The following CFAP92 variants were observed in gnomAD, a reference collection of about 807,000 sequenced individuals.
The protein encoded by CFAP92 is cilia and flagella associated protein 92 (putative), also known as uncharacterized protein CFAP92.
A neutral mutation model predicts 106.3 loss-of-function variants in CFAP92; 86 were observed. That is an observed-to-expected ratio of 0.81 (90% CI 0.68 to 0.97). The LOEUF is 0.97. Among genes scored for constraint, CFAP92 ranks in the 50% least tolerant of loss-of-function variants. CFAP92 has a pLI of 0.00. For missense variants in CFAP92, 1,204 were observed against 1,283.8 expected (o/e 0.94, Z 0.95); for synonymous variants, 477 against 506.4 (o/e 0.94, Z 0.78).
intron 12 of CFAP92, among the ~76,000 whole-genome samples, chr3:128,932,342 A>T (rs57738304): frequency 0.021 from 3,174 of 150,514 alleles, 105 homozygotes; most frequent in African/African-American, 0.071. Flanking sequence ...TGGACATCTT[A>T]TGACACTTAT....
chr3:128,999,506 G>A (rs1181938747), intron 1 of CFAP92, among the ~76,000 whole-genome samples: 1 of 151,682 alleles, frequency 6.6e-6, no homozygotes, highest in Non-Finnish European at 1.5e-5. Flanking sequence ...CAGCTCTTAG[G>A]GCTGACATGA....
intron 9 of CFAP92, among the ~76,000 whole-genome samples, chr3:128,963,452 C>T (rs11706008): frequency 6.6e-6 from 1 of 151,972 alleles, no homozygotes; most frequent in African/African-American, 2.4e-5. Context: ...TCATACCTGA[C>T]GCATATACTT....
chr3:128,997,291 C>T (rs1160814117), upstream of CFAP92, among the ~76,000 whole-genome samples: 1 of 152,200 alleles, frequency 6.6e-6, no homozygotes, highest in Admixed American at 6.5e-5. Flanking sequence ...CTTCTTGCCC[C>T]TTCCCCATTT....
Position 128,945,972 on chromosome 3 carries a change from G to T in CFAP92, c.1357C>A (p.Leu453Met). The T allele has an allele frequency of 7.0e-7, 1 of 1,428,846 alleles. No individual in the cohort carries two copies. The highest frequency in any genetic ancestry group is 9.1e-7 in the Non-Finnish European group (1 of 1,097,316). The allele number at this position is 1,428,846 out of a possible 1,614,324, so 88.5% of individuals were successfully genotyped here. ...TACTTGCAGTACACAGGCATGCACA[G>T]CCTCTACGAGAGAGCAGGGCCACAG... is the stretch of plus-strand genomic sequence containing the variant. ...QPVPIQELER[L>M]CMPVYCKYQF... The change falls in exon 10 of 16, where the codon CTG (leucine) becomes ATG (methionine). Residue 453 changes from leucine (L) to methionine (M), a missense_variant. Leu to Met is a conservative substitution (Grantham distance 15). Coordinates refer to ENST00000645291, the MANE Select transcript of CFAP92 (RefSeq NM_001394090.1).
At chr3:129,004,183 T>A (rs796888186), upstream of CFAP92, 11 of 1,274,650 alleles carry the variant, frequency 8.6e-6, 1 homozygote, top group African/African-American at 1.7e-4. Flanking sequence ...GTTCCGCAGT[T>A]TCTCCATGCG....
the CFAP92 span, among the ~76,000 whole-genome samples, chr3:129,019,840 C>T: frequency 2.1e-5 from 3 of 146,022 alleles, no homozygotes; most frequent in Non-Finnish European, 4.5e-5. Flanking sequence ...ATGATCTCAG[C>T]TCACTGCAAC....
chr3:128,993,155 G>T lies in CFAP92; in HGVS notation c.150C>A (p.Arg50=). 6.2e-7 allele frequency: 1 copy of T among 1,614,080 alleles called. No individual in the cohort carries two copies. Among genetic ancestry groups the T allele is most frequent in the Non-Finnish European group, 8.5e-7 (1 of 1,179,908 alleles). ...ATGAGGACTCGATGCTGCTGCACGGGCGGTCAGAGTCAGACTCCTGGGCCC... is the reference window on the plus strand; with the variant it reads ...ATGAGGACTCGATGCTGCTGCACGGTCGGTCAGAGTCAGACTCCTGGGCCC... The part of the protein sequence containing the change: ...KARAQESDSD[R]PCSSIESSSE... Residue 50 remains arginine (R), a synonymous_variant, in exon 2 of 16, where the codon CGC becomes CGA. Transcript: ENST00000645291.
intron 4 of CFAP92, among the ~76,000 whole-genome samples, chr3:128,982,496 C>CTTTCT (rs1943595215): frequency 6.6e-6 from 1 of 152,190 alleles, no homozygotes; most frequent in Non-Finnish European, 1.5e-5. Flanking sequence ...GGCTGTTTCA[C>CTTTCT]TTTCTTATCA....
In CFAP92 at chr3:128,962,917, T is replaced by C. The variant is rs550522137; in HGVS notation, c.1353+2594A>G. Among the ~76,000 whole-genome samples the C allele has an allele frequency of 1.7e-3, 262 of 152,200 alleles. 2 individuals carry two copies. In the Middle Eastern group the frequency reaches 0.041, roughly 24 times the overall value. On this transcript the variant is annotated intron_variant, in intron 9 of 15. Coordinates refer to ENST00000645291, the MANE Select transcript of CFAP92 (RefSeq NM_001394090.1). Reference sequence around the variant, plus strand: ...ATATACTCTCCTATCCTCAATACCTTCCTCTACTACCCATTATTCTGTTCT... The same window carrying C: ...ATATACTCTCCTATCCTCAATACCTCCCTCTACTACCCATTATTCTGTTCT...
chr3:128,909,875 C>T lies in CFAP92; in HGVS notation c.*424G>A. ...CAGAAGGTGGCTGGGAGCCGTTCTCCCACAACCTGAAGAGAAAGGTGTTAT... is the reference window on the plus strand; with the variant it reads ...CAGAAGGTGGCTGGGAGCCGTTCTCTCACAACCTGAAGAGAAAGGTGTTAT... On this transcript the variant is annotated 3_prime_UTR_variant, in exon 16 of 16. Coordinates refer to ENST00000645291, the MANE Select transcript of CFAP92 (RefSeq NM_001394090.1). 8.4e-7 allele frequency: 1 copy of T among 1,192,150 alleles called. No homozygotes were observed. Among genetic ancestry groups the T allele is most frequent in the Non-Finnish European group, 1.2e-6 (1 of 824,606 alleles). The allele number at this position is 1,192,150 out of a possible 1,614,324, so 73.8% of individuals were successfully genotyped here.
chr3:128,971,074 T>C, intron 8 of CFAP92: 1 of 637,970 alleles, frequency 1.6e-6, no homozygotes, highest in Non-Finnish European at 2.7e-6. Context: ...GGCTTCACAT[T>C]TCCTAGCTGT....
rs1185950565 is a variant in CFAP92 at position 128,961,681 on chromosome 3, G to A, written c.1353+3830C>T. Among the ~76,000 whole-genome samples the A allele has an allele frequency of 5.9e-5, 9 of 152,138 alleles. No individual in the cohort carries two copies. The South Asian group carries it at 8.3e-4, about 14-fold the overall frequency. ...CAGTTCATGGCAGCAACCCTGAGAC[G>A]CTTTACAGCCCTAGACCCTAAAAGG... On this transcript the variant is annotated intron_variant, in intron 9 of 15. Transcript: ENST00000645291.
the CFAP92 span, among the ~76,000 whole-genome samples, chr3:129,022,345 T>G: frequency 6.6e-6 from 1 of 152,138 alleles, no homozygotes; most frequent in Non-Finnish European, 1.5e-5. Context: ...AAAGCCACAG[T>G]CCTGAGGGTG....
intron 12 of CFAP92, among the ~76,000 whole-genome samples, chr3:128,918,920 A>G (rs1394728125): frequency 2.0e-5 from 3 of 151,476 alleles, no homozygotes; most frequent in Non-Finnish European, 4.4e-5. Flanking sequence ...AAGCTTGCCA[A>G]TTAAAGAATC....
At chr3:128,981,532 T>C (rs951682718) in intron 4 of CFAP92, among the ~76,000 whole-genome samples, 4 of 151,570 alleles carry the variant, frequency 2.6e-5, no homozygotes, top group African/African-American at 7.3e-5. Flanking sequence ...GGTTTCACTA[T>C]GTTGGCCACA....
At chr3:128,937,482 TC>T in intron 10 of CFAP92, among the ~76,000 whole-genome samples, 1 of 151,690 alleles carries the variant, frequency 6.6e-6, no homozygotes, top group Non-Finnish European at 1.5e-5. Context: ...TGCCTGTAGT[TC>T]CAGCTACTTG....
intron 12 of CFAP92, among the ~76,000 whole-genome samples, chr3:128,931,915 G>A (rs1938440468): frequency 6.6e-6 from 1 of 152,130 alleles, no homozygotes; most frequent in African/African-American, 2.4e-5. Flanking sequence ...CTACTCAGGA[G>A]GCCGAGGTGG....
Position 128,910,029 on chromosome 3 carries a change from G to A in CFAP92, c.*270C>T, listed in dbSNP as rs200208702. The A allele has an allele frequency of 3.1e-6, 5 of 1,613,662 alleles. No individual in the cohort carries two copies. The African/African-American group carries it at 6.7e-5, about 21-fold the overall frequency. On this transcript the variant is annotated 3_prime_UTR_variant, in exon 16 of 16. Transcript: ENST00000645291. ...AGCCTCTGTGATCCCAGACCATCAT[G>A]GAGGAGCAGCTGGTACTGAAGCGGG...
chr3:128,960,987 G>A (rs992101127), intron 9 of CFAP92, among the ~76,000 whole-genome samples: 2 of 152,110 alleles, frequency 1.3e-5, no homozygotes, highest in African/African-American at 4.8e-5. Flanking sequence ...TTCACTATGG[G>A]CAACCTTCCA....
Sources: gnomAD v4.1 joint callset for allele counts (sites outside exome capture counted in the v4.1 genomes callset) on GRCh38, gnomAD v4.1.1 for gene constraint, MANE v1.5 for transcripts, NCBI Gene and HGNC (gene_info 2026-07-23, HGNC 2026-07-21) for gene names.